MYO6: variants seen among roughly 807,000 people sequenced by gnomAD.
The protein encoded by MYO6 is unconventional myosin-VI.
A neutral mutation model predicts 178.7 loss-of-function variants in MYO6; 74 were observed. That is an observed-to-expected ratio of 0.41 (90% CI 0.34 to 0.50). The LOEUF (loss-of-function observed/expected upper bound fraction) is 0.50, where lower values mean the gene tolerates loss of function less well. Ranked by LOEUF, MYO6 falls within the 20% of genes least tolerant of loss-of-function variation. The pLI is 0.09. For missense variants in MYO6, 1,330 were observed against 1,547.4 expected (o/e 0.86, Z 2.36); for synonymous variants, 477 against 504.6 (o/e 0.95, Z 0.73).
At chr6:75,882,619 A>G (rs1778131285) in intron 23 of MYO6, among the ~76,000 whole-genome samples, 1 of 147,504 alleles carries the variant, frequency 6.8e-6, no homozygotes, top group East Asian at 1.9e-4. Context: ...AAAAATAATA[A>G]AAAAAGATAT....
chr6:75,783,477 G>A (rs1767195836), intron 1 of MYO6, among the ~76,000 whole-genome samples: 1 of 151,970 alleles, frequency 6.6e-6, no homozygotes, highest in African/African-American at 2.4e-5. Flanking sequence ...ATGGCTCACA[G>A]GGTAGAGGTC....
intron 14 of MYO6, among the ~76,000 whole-genome samples, chr6:75,859,959 T>A (rs1776067274): frequency 6.6e-6 from 1 of 152,122 alleles, no homozygotes; most frequent in African/African-American, 2.4e-5. Flanking sequence ...CATGCCCGAC[T>A]GTAGCTCCCC....
rs765246938 is a variant in MYO6 at position 75,914,796 on chromosome 6, A to G, written c.3659-17A>G. On this transcript the variant is annotated splice_polypyrimidine_tract_variant and intron_variant, in intron 34 of 34. Transcript: ENST00000369977. ...TGAAGAGAGAGATGGTAATTTTCTG[A>G]TATCTCATGAATACAGGTAAGGACG... 4.3e-6 allele frequency: 7 copies of G among 1,612,814 alleles called. No individual in the cohort carries two copies. The highest frequency in any genetic ancestry group is 2.2e-5 in the East Asian group (1 of 44,878).
At chr6:75,822,062 T>A (rs1016928421) in intron 2 of MYO6, among the ~76,000 whole-genome samples, 3 of 152,054 alleles carry the variant, frequency 2.0e-5, no homozygotes, top group Non-Finnish European at 4.4e-5. Flanking sequence ...TTGAATGTTA[T>A]TTTTTTCTGT....
intron 1 of MYO6, among the ~76,000 whole-genome samples, chr6:75,754,981 G>T (rs534879032): frequency 1.3e-5 from 2 of 152,194 alleles, no homozygotes; most frequent in East Asian, 3.8e-4. Flanking sequence ...GGTAATCCCA[G>T]CACTTTGGGA....
chr6:75,832,782 T>C, intron 5 of MYO6, 60 bp from the exon 6 acceptor site: 1 of 1,033,036 alleles, frequency 9.7e-7, no homozygotes, highest in Middle Eastern at 2.4e-4. Context: ...AAGTGAACTT[T>C]CTATTATTAA....
chr6:75,813,976 A>G (rs1277920566), intron 1 of MYO6, among the ~76,000 whole-genome samples: 1 of 152,066 alleles, frequency 6.6e-6, no homozygotes, highest in African/African-American at 2.4e-5. Flanking sequence ...AGTCTTTAAT[A>G]GAGCTGTGAG....
chr6:75,798,818 T>A (rs1769122422), intron 1 of MYO6, among the ~76,000 whole-genome samples: 1 of 152,186 alleles, frequency 6.6e-6, no homozygotes, highest in Non-Finnish European at 1.5e-5. Context: ...AGTCAAACTG[T>A]CTATCTTTGC....
At chr6:75,848,655 C>G (rs1349957336) in intron 11 of MYO6, 124 bp downstream of exon 11, 2 of 917,422 alleles carry the variant, frequency 2.2e-6, no homozygotes, top group Non-Finnish European at 3.3e-6. Context: ...CTAAAATATA[C>G]TGAGTTAAAT....
chr6:75,855,068 C>G, intron 11 of MYO6, 71 bp from the exon 12 acceptor site: 1 of 1,345,834 alleles, frequency 7.4e-7, no homozygotes, highest in Admixed American at 2.0e-5. Context: ...AAGTATAATT[C>G]TAAGAAATGG....
chr6:75,761,126 G>A (rs369473531), intron 1 of MYO6, among the ~76,000 whole-genome samples: 1 of 152,152 alleles, frequency 6.6e-6, no homozygotes, highest in African/African-American at 2.4e-5. Flanking sequence ...TCTTTAAGAT[G>A]AGAAGAACGA....
In MYO6 at chr6:75,880,060, G is replaced by A. The variant is rs2149343938; in HGVS notation, c.2226G>A (p.Leu742=). 8 of 1,612,112 alleles carry A rather than the reference G, an allele frequency of 5.0e-6. No homozygotes were observed. Among genetic ancestry groups the A allele is most frequent in the East Asian group, 2.2e-5 (1 of 44,816 alleles). Residue 742 remains leucine (L), a synonymous_variant, in exon 22 of 35, where the codon TTG becomes TTA. Transcript: ENST00000369977. ...TTTTTCAGGCTTTGTTTAAAGCTTT[G>A]GGCTTAAATGAAAATGACTACAAGT... ...RLFCKALFKA[L]GLNENDYKFG...
At chr6:75,866,267 C>A (rs2149310366) in intron 16 of MYO6, among the ~76,000 whole-genome samples, 1 of 123,986 alleles carries the variant, frequency 8.1e-6, no homozygotes, top group African/African-American at 2.9e-5. Flanking sequence ...CCGTCTCTGT[C>A]TCTGTCTCTG....
intron 16 of MYO6, among the ~76,000 whole-genome samples, chr6:75,865,502 T>TCGA (rs1265124674): frequency 3.3e-5 from 5 of 151,636 alleles, no homozygotes; most frequent in Non-Finnish European, 7.4e-5. Context: ...TAGCTGGGAC[T>TCGA]GCAGGCCTGC....
chr6:75,754,235 C>A (rs1777143960), intron 1 of MYO6, among the ~76,000 whole-genome samples: 1 of 152,118 alleles, frequency 6.6e-6, no homozygotes, highest in Non-Finnish European at 1.5e-5. Context: ...TTGAAAATAA[C>A]CTGGCTGGGG....
At chr6:75,866,773 C>G in intron 17 of MYO6, 152 bp downstream of exon 17, 1 of 1,048,402 alleles carries the variant, frequency 9.5e-7, no homozygotes, top group Non-Finnish European at 1.5e-6. Context: ...ACTAGCCACA[C>G]TTCAGGTGCC....
chr6:75,881,616 G>C (rs1364182415), intron 22 of MYO6, 73 bp from the exon 23 acceptor site: 1 of 1,470,980 alleles, frequency 6.8e-7, no homozygotes, highest in Non-Finnish European at 9.4e-7. Flanking sequence ...TTTGAATTCT[G>C]TTTACATCAT....
At chr6:75,863,160 G>A (rs1776343353) in intron 16 of MYO6, among the ~76,000 whole-genome samples, 1 of 152,162 alleles carries the variant, frequency 6.6e-6, no homozygotes, top group African/African-American at 2.4e-5. Flanking sequence ...GTGGGTATCA[G>A]TTGCTTTGTT....
At chr6:75,864,991 G>A (rs922629501) in intron 16 of MYO6, among the ~76,000 whole-genome samples, 6 of 152,126 alleles carry the variant, frequency 3.9e-5, no homozygotes, top group Non-Finnish European at 8.8e-5. Context: ...CTGCAGAGCC[G>A]GCACTCTGAC....
Sources: allele counts gnomAD v4.1 joint callset (sites outside exome capture counted in the v4.1 genomes callset), GRCh38; gene constraint gnomAD v4.1.1; transcripts MANE v1.5; gene names NCBI Gene and HGNC (gene_info 2026-07-23, HGNC 2026-07-21).